SCGB3A2: variants seen among roughly 807,000 people sequenced by gnomAD.
The protein encoded by SCGB3A2 is pneumo secretory protein 1.
In SCGB3A2, 5 loss-of-function variants were observed where a neutral mutation model predicts 7.7. The ratio of observed to expected loss-of-function variants is 0.65; its 90% CI spans 0.34 to 1.36. SCGB3A2 has a LOEUF of 1.36. Ranked by LOEUF, SCGB3A2 falls within the 40% of genes most tolerant of loss-of-function variation. The pLI, the probability that SCGB3A2 is intolerant of heterozygous loss-of-function variation, is 0.04. For missense variants in SCGB3A2, 109 were observed against 103.6 expected, an observed-to-expected ratio of 1.05 and a Z score of -0.23; for synonymous variants, 44 against 42.7, an observed-to-expected ratio of 1.03 and a Z score of -0.12.
In SCGB3A2 at chr5:147,878,737, T is replaced by C; in HGVS notation, c.-67T>C. On this transcript the variant is annotated 5_prime_UTR_variant, in exon 1 of 3. Transcript: ENST00000296694. The stretch of plus-strand genomic sequence containing the variant: ...CACTTTGTATGGCAAGTGGAACCAC[T>C]GGCTTGGTGGATTTTGCTAGATTTT... 1 of 1,255,046 alleles carries C rather than the reference T, an allele frequency of 8.0e-7. No homozygotes were observed. The highest frequency in any genetic ancestry group is 1.2e-6 in the Non-Finnish European group (1 of 852,804). 77.7% of individuals were successfully genotyped at this position (1,255,046 alleles called of 1,614,324 possible). A position where few individuals can be genotyped will look rare whatever the true frequency, so the allele number is the denominator to read the frequency against.
intron 1 of SCGB3A2, 65 bp downstream of exon 1, chr5:147,878,923 A>AC (rs1757302761): frequency 1.7e-6 from 2 of 1,167,274 alleles, no homozygotes; most frequent in East Asian, 4.7e-5. Context: ...TAAGAGCACA[A>AC]CTAGTAAGCC....
At chr5:147,880,708 A>G (rs1486644329) in intron 1 of SCGB3A2, 5 of 152,312 alleles carry the variant, frequency 3.3e-5, no homozygotes, top group Admixed American at 2.6e-4. Context: ...TTAGCATAGC[A>G]CATGCTACAC....
intron 1 of SCGB3A2, among the ~76,000 whole-genome samples, chr5:147,879,861 A>G (rs949322183): frequency 1.3e-5 from 2 of 152,190 alleles, no homozygotes; most frequent in Non-Finnish European, 2.9e-5. Context: ...TTGGCTTTTG[A>G]TGTTTATTGA....
At position 147,882,182 on chromosome 5, in the gene SCGB3A2, A is replaced by G; in HGVS notation, c.*132A>G. 1.1e-6 allele frequency: 1 copy of G among 869,848 alleles called. No homozygotes were observed. Among genetic ancestry groups the G allele is most frequent in the Non-Finnish European group, 1.9e-6 (1 of 522,798 alleles). 53.9% of individuals were successfully genotyped at this position (869,848 alleles called of 1,614,324 possible). ...GACCCGTGAAAAGGACAAATAAAGC[A>G]ATGAATACATTTTCAGTCGTCCTAT... On this transcript the variant is annotated 3_prime_UTR_variant, in exon 3 of 3. Transcript: ENST00000296694.
chr5:147,878,753 G>T lies in SCGB3A2; in HGVS notation c.-51G>T. 6.9e-7 allele frequency: 1 copy of T among 1,453,396 alleles called. No homozygotes were observed. The highest frequency in any genetic ancestry group is 9.7e-7 in the Non-Finnish European group (1 of 1,033,680). 90.0% of individuals were successfully genotyped at this position (1,453,396 alleles called of 1,614,324 possible). A position where few individuals can be genotyped will look rare whatever the true frequency, so the allele number is the denominator to read the frequency against. The stretch of plus-strand genomic sequence containing the variant: ...TGGAACCACTGGCTTGGTGGATTTT[G>T]CTAGATTTTTCTGATTTTTAAACTC... On this transcript the variant is annotated 5_prime_UTR_variant, in exon 1 of 3. Transcript: ENST00000296694.
At chr5:147,881,239 G>T in intron 1 of SCGB3A2, 1 of 560,466 alleles carries the variant, frequency 1.8e-6, no homozygotes, top group Non-Finnish European at 3.2e-6. Context: ...ACCAAATAAT[G>T]TGAGAAAGAA....
rs781264699 is a variant in SCGB3A2 at position 147,882,012 on chromosome 5, CCTT to C, written c.259-12_259-10del. 4.0e-5 allele frequency: 64 copies of C among 1,613,442 alleles called. No individual in the cohort carries two copies. In the South Asian group the frequency reaches 5.5e-4, roughly 14 times the overall value. ...TGTAAGCTGCTCTAAATTTTGTTGTCCTTCTACATTTCAGGAGGCGCTATCACA... is the reference window on the plus strand; with the variant it reads ...TGTAAGCTGCTCTAAATTTTGTTGTCCTACATTTCAGGAGGCGCTATCACA... On this transcript the variant is annotated splice_polypyrimidine_tract_variant and intron_variant, in intron 2 of 2. Transcript: ENST00000296694.
Position 147,882,188 on chromosome 5 carries a change from T to C in SCGB3A2, c.*138T>C. ...TGAAAAGGACAAATAAAGCAATGAA[T>C]ACATTTTCAGTCGTCCTATTTTTAT... is the stretch of plus-strand genomic sequence containing the variant. On this transcript the variant is annotated 3_prime_UTR_variant, in exon 3 of 3. Coordinates refer to ENST00000296694, the MANE Select transcript of SCGB3A2 (RefSeq NM_054023.5). 1 of 837,232 alleles carries C rather than the reference T, an allele frequency of 1.2e-6. No homozygotes were observed. Among genetic ancestry groups the C allele is most frequent in the South Asian group, 1.5e-5 (1 of 68,092 alleles). The allele number at this position is 837,232 out of a possible 1,614,324, so 51.9% of individuals were successfully genotyped here.
chr5:147,881,752 G>A (rs2127118908), intron 2 of SCGB3A2, 104 bp downstream of exon 2: 1 of 904,896 alleles, frequency 1.1e-6, no homozygotes, highest in Non-Finnish European at 1.7e-6. Context: ...CCACTTTACT[G>A]ATTATATTCA....
At chr5:147,881,987 T>C in intron 2 of SCGB3A2, 40 bp from the exon 3 acceptor site, 3 of 1,608,502 alleles carry the variant, frequency 1.9e-6, no homozygotes, top group Non-Finnish European at 2.6e-6. Context: ...GCGAATTACA[T>C]GTAAGCTGCT....
chr5:147,879,829 G>T (rs1021336604), intron 1 of SCGB3A2, among the ~76,000 whole-genome samples: 3 of 152,112 alleles, frequency 2.0e-5, no homozygotes, highest in Admixed American at 6.5e-5. Flanking sequence ...ATTGATTGCC[G>T]CCCACACCTA....
In SCGB3A2 at chr5:147,882,117, C is replaced by G. The variant is rs1486126689; in HGVS notation, c.*67C>G. On this transcript the variant is annotated 3_prime_UTR_variant, in exon 3 of 3. Transcript: ENST00000296694. Reference sequence around the variant, plus strand: ...TGCTCCTATCCTCCCTGCCTGAAACCTGTTCTACCAATTATAGATCAAATG... The same window carrying G: ...TGCTCCTATCCTCCCTGCCTGAAACGTGTTCTACCAATTATAGATCAAATG... The G allele has an allele frequency of 2.7e-6, 4 of 1,492,666 alleles. No individual in the cohort carries two copies. Among genetic ancestry groups the G allele is most frequent in the Non-Finnish European group, 3.7e-6 (4 of 1,070,220 alleles). 92.5% of individuals were successfully genotyped at this position (1,492,666 alleles called of 1,614,324 possible). A position where few individuals can be genotyped will look rare whatever the true frequency, so the allele number is the denominator to read the frequency against.
chr5:147,881,955 A>C, intron 2 of SCGB3A2, 72 bp from the exon 3 acceptor site: 1 of 1,515,064 alleles, frequency 6.6e-7, no homozygotes, highest in Non-Finnish European at 9.2e-7. Flanking sequence ...AGGACACTGG[A>C]AGTGAATATG....
At chr5:147,881,920 C>T in intron 2 of SCGB3A2, 107 bp from the exon 3 acceptor site, 1 of 1,225,458 alleles carries the variant, frequency 8.2e-7, no homozygotes, top group Middle Eastern at 2.2e-4. Flanking sequence ...TTTTTGTTTC[C>T]CCATCAGTAA....
chr5:147,880,519 T>C (rs13355689), intron 1 of SCGB3A2, among the ~76,000 whole-genome samples: 39,506 of 152,130 alleles, frequency 0.26, 6,682 homozygotes, highest in African/African-American at 0.47. Flanking sequence ...TTTATCCTAA[T>C]GGTTCCGTGC....
intron 1 of SCGB3A2, among the ~76,000 whole-genome samples, chr5:147,879,987 C>A (rs1391732026): frequency 6.6e-6 from 1 of 151,954 alleles, no homozygotes; most frequent in Non-Finnish European, 1.5e-5. Context: ...AAAATAAATA[C>A]CGCCCCCTCT....
chr5:147,881,413 G>T (rs1757345806), intron 1 of SCGB3A2, 33 bp from the exon 2 acceptor site: 1 of 1,556,618 alleles, frequency 6.4e-7, no homozygotes, highest in Non-Finnish European at 8.9e-7. Flanking sequence ...GCCCAGATGT[G>T]CCTGTCTCAC....
intron 1 of SCGB3A2, 81 bp from the exon 2 acceptor site, chr5:147,881,365 T>C (rs1203177649): frequency 9.2e-7 from 1 of 1,091,580 alleles, no homozygotes; most frequent in Non-Finnish European, 1.4e-6. Context: ...ATGGAGCTAT[T>C]GATGGACACA....
rs1757349865 is a variant in SCGB3A2 at position 147,881,616 on chromosome 5, CCA to C, written c.227_228del (p.Pro76ArgfsTer4). 6.8e-6 allele frequency: 11 copies of C among 1,613,696 alleles called. No homozygotes were observed. Among genetic ancestry groups the C allele is most frequent in the Non-Finnish European group, 9.3e-6 (11 of 1,179,878 alleles). ...GLRKCVNELG[P>X]EASEAVKKLL... ...AAGGAAGTGTGTAAATGAGCTGGGA[CCA>C]GAGGCTTCTGAAGCTGTGAAGAAAC... On this transcript the variant is annotated frameshift_variant, in exon 2 of 3. Coordinates refer to ENST00000296694, the MANE Select transcript of SCGB3A2 (RefSeq NM_054023.5). LOFTEE classifies it high-confidence loss of function.
Sources: allele counts gnomAD v4.1 joint callset (sites outside exome capture counted in the v4.1 genomes callset), GRCh38; gene constraint gnomAD v4.1.1; transcripts MANE v1.5; gene names NCBI Gene and HGNC (gene_info 2026-07-23, HGNC 2026-07-21).